Variants in DCAF10 observed in about 807,000 individuals in gnomAD.
The protein encoded by DCAF10 is DDB1- and CUL4-associated factor 10.
Under a neutral mutation model 51.9 loss-of-function variants are expected in DCAF10, and 19 were observed. That is an observed-to-expected ratio of 0.37 (90% CI 0.26 to 0.54). DCAF10 has a LOEUF of 0.54. Among genes scored for constraint, DCAF10 ranks in the 20% least tolerant of loss-of-function variants. DCAF10 has a pLI of 0.87. For missense variants in DCAF10, 510 were observed against 730.6 expected, an observed-to-expected ratio of 0.70 and a Z score of 3.48; for synonymous variants, 291 against 297.1, an observed-to-expected ratio of 0.98 and a Z score of 0.21.
Position 37,801,484 on chromosome 9 carries a change from C to T in DCAF10, c.539+79C>T, listed in dbSNP as rs1195197530. The stretch of plus-strand genomic sequence containing the variant: ...AGCGGACGGCCGTCCTGGGCTCGCT[C>T]CCCGCGCCCGGGCCGAGGTTAGCGA... On this transcript the variant is annotated intron_variant, in intron 1 of 6. Transcript: ENST00000377724. This position sits in a 1 kb window ranked among gnomAD's most constrained non-coding sequence, Gnocchi z 5.5. 1.5e-6 allele frequency: 2 copies of T among 1,337,636 alleles called. No individual in the cohort carries two copies. The highest frequency in any genetic ancestry group is 3.1e-5 in the African/African-American group (2 of 64,768). The allele number at this position is 1,337,636 out of a possible 1,614,324, so 82.9% of individuals were successfully genotyped here. A position where few individuals can be genotyped will look rare whatever the true frequency, so the allele number is the denominator to read the frequency against.
At position 37,801,654 on chromosome 9, in the gene DCAF10, A is replaced by G. The variant is rs185214483; in HGVS notation, c.539+249A>G. 2.4e-3 allele frequency among the ~76,000 whole-genome samples: 361 copies of G among 152,286 alleles called. 3 individuals carry two copies. The highest frequency in any genetic ancestry group is 4.1e-3 in the Non-Finnish European group (280 of 68,020). Reference sequence around the variant, plus strand: ...AGGACTTGGGCTCTGTGAAGGAGAAATGCCCGAAGCTACACAGCGGACCTG... The same window carrying G: ...AGGACTTGGGCTCTGTGAAGGAGAAGTGCCCGAAGCTACACAGCGGACCTG... On this transcript the variant is annotated intron_variant, in intron 1 of 6. Coordinates refer to ENST00000377724, the MANE Select transcript of DCAF10 (RefSeq NM_024345.5). This position sits in a 1 kb window ranked among gnomAD's most constrained non-coding sequence, Gnocchi z 5.5.
At chr9:37,823,387 C>T (rs1360342493) in intron 2 of DCAF10, among the ~76,000 whole-genome samples, 1 of 152,128 alleles carries the variant, frequency 6.6e-6, no homozygotes, top group East Asian at 1.9e-4. Context: ...GCCAGATTAC[C>T]TACAGAAGTA....
rs1197310409 is a variant in DCAF10, at chr9:37,863,363, A to G, written c.*1855A>G. ...AAAAAAAAAAAATTCTTCTCTACCC[A>G]TTTGGGCTTAAGACAATTCCCAGAA... On this transcript the variant is annotated 3_prime_UTR_variant, in exon 7 of 7. Transcript: ENST00000377724. The G allele has an allele frequency of 1.3e-5, 2 of 149,642 alleles. No individual in the cohort carries two copies. Among genetic ancestry groups the G allele is most frequent in the Non-Finnish European group, 3.0e-5 (2 of 67,410 alleles). The allele number at this position is 149,642 out of a possible 1,614,324, so 9.3% of individuals were successfully genotyped here.
At chr9:37,823,545 A>G (rs1829766041) in intron 2 of DCAF10, among the ~76,000 whole-genome samples, 1 of 152,114 alleles carries the variant, frequency 6.6e-6, no homozygotes, top group Non-Finnish European at 1.5e-5. Context: ...AAGAATTGTA[A>G]TTAGGTAAAA....
intron 1 of DCAF10, among the ~76,000 whole-genome samples, chr9:37,809,430 A>G (rs1829261656): frequency 6.6e-6 from 1 of 152,172 alleles, no homozygotes; most frequent in Admixed American, 6.5e-5. Flanking sequence ...GTGAAATTTT[A>G]AAAACCATCA....
At chr9:37,833,054 T>C (rs1205760223) in intron 2 of DCAF10, among the ~76,000 whole-genome samples, 2 of 152,078 alleles carry the variant, frequency 1.3e-5, no homozygotes, top group African/African-American at 2.4e-5. Context: ...TTTGTAGAGA[T>C]AGGGTTTCTC....
At chr9:37,856,772 G>A (rs1010212261) in intron 4 of DCAF10, among the ~76,000 whole-genome samples, 2 of 151,984 alleles carry the variant, frequency 1.3e-5, no homozygotes, top group Non-Finnish European at 2.9e-5. Flanking sequence ...GGGCAACATA[G>A]CAAGATCCTT....
chr9:37,850,864 AT>A (rs1408486616), intron 3 of DCAF10, among the ~76,000 whole-genome samples: 5 of 83,518 alleles, frequency 6.0e-5, no homozygotes, highest in Non-Finnish European at 1.2e-4. Flanking sequence ...ATATATATAT[AT>A]ATATATATAT....
chr9:37,845,737 A>G (rs1181224848), intron 3 of DCAF10, among the ~76,000 whole-genome samples: 1 of 152,138 alleles, frequency 6.6e-6, no homozygotes, highest in Non-Finnish European at 1.5e-5. Context: ...CCCTTACACA[A>G]TATGGCGATT....
At chr9:37,819,172 C>T in intron 1 of DCAF10, 116 bp from the exon 2 acceptor site, 2 of 709,346 alleles carry the variant, frequency 2.8e-6, no homozygotes, top group South Asian at 3.8e-5. Context: ...TTGCTACTAA[C>T]ATGGGCAAAA....
chr9:37,854,944 A>G lies in DCAF10; in HGVS notation c.1016A>G (p.Tyr339Cys), dbSNP rs1210187209. Residue 339 changes from tyrosine (Y) to cysteine (C), a missense_variant, in exon 4 of 7, where the codon TAT becomes TGT. Around this residue, in one of 4 missense-constraint regions of DCAF10, gnomAD observed 126 missense variants for 271.5 expected, o/e 0.46. Transcript: ENST00000377724. ...ACTAAGTCTTTAGAAGTAGGCAGCT[A>G]TCCCATTTTAAGAGCAAGAAGAACT... ...DLTKSLEVGS[Y>C]PILRARRTTS... The G allele has an allele frequency of 5.6e-6, 9 of 1,613,344 alleles. No homozygotes were observed. The highest frequency in any genetic ancestry group is 7.6e-6 in the Non-Finnish European group (9 of 1,179,850).
In DCAF10 at chr9:37,867,435, CTG is replaced by C. The variant is rs1232584893; in HGVS notation, c.*5931_*5932del. On this transcript the variant is annotated 3_prime_UTR_variant, in exon 7 of 7. Coordinates refer to ENST00000377724, the MANE Select transcript of DCAF10 (RefSeq NM_024345.5). ...TTTCACTGCATCTTCAATTGCCCAA[CTG>C]TGTTTCCTGATAAATTTTAGATTCA... 1.3e-5 allele frequency: 2 copies of C among 151,814 alleles called. No individual in the cohort carries two copies. The highest frequency in any genetic ancestry group is 2.9e-5 in the Non-Finnish European group (2 of 67,978). 9.4% of individuals were successfully genotyped at this position (151,814 alleles called of 1,614,324 possible). A position where few individuals can be genotyped will look rare whatever the true frequency, so the allele number is the denominator to read the frequency against.
intron 1 of DCAF10, among the ~76,000 whole-genome samples, chr9:37,818,388 G>A (rs1829608496): frequency 6.6e-6 from 1 of 152,010 alleles, no homozygotes. Flanking sequence ...TCTATCTTAT[G>A]TACGTTCATC....
rs573552419 is a variant in DCAF10 at position 37,835,810 on chromosome 9, A to G, written c.654-6279A>G. Among the ~76,000 whole-genome samples the G allele has an allele frequency of 3.9e-5, 6 of 152,378 alleles. No homozygotes were observed. In the East Asian group the frequency reaches 1.2e-3, roughly 29 times the overall value. ...AGGGAAAGATGGACTTGACAATATA[A>G]GAATTAAAATTTTATATAATGTGTC... On this transcript the variant is annotated intron_variant, in intron 2 of 6. Coordinates refer to ENST00000377724, the MANE Select transcript of DCAF10 (RefSeq NM_024345.5).
At chr9:37,844,333 G>A (rs1389952807) in intron 3 of DCAF10, among the ~76,000 whole-genome samples, 2 of 151,958 alleles carry the variant, frequency 1.3e-5, no homozygotes, top group African/African-American at 4.8e-5. Flanking sequence ...TGGCCAACAT[G>A]GTGAAACTCC....
intron 2 of DCAF10, among the ~76,000 whole-genome samples, chr9:37,825,474 A>G (rs1340454445): frequency 6.6e-6 from 1 of 152,232 alleles, no homozygotes; most frequent in African/African-American, 2.4e-5. Context: ...ATGCAGGAAC[A>G]GAAAACCAAA....
intron 1 of DCAF10, among the ~76,000 whole-genome samples, chr9:37,809,173 T>G (rs1163531161): frequency 6.6e-6 from 1 of 150,910 alleles, no homozygotes; most frequent in Non-Finnish European, 1.5e-5. Context: ...AAAGGGGAAA[T>G]TATAATGGAA....
At position 37,861,837 on chromosome 9, in the gene DCAF10, C is replaced by T. The variant is rs1587137740; in HGVS notation, c.*329C>T. The T allele has an allele frequency of 9.4e-6, 2 of 212,706 alleles. No homozygotes were observed. The highest frequency in any genetic ancestry group is 2.0e-4 in the East Asian group (2 of 10,190). The allele number at this position is 212,706 out of a possible 1,614,324, so 13.2% of individuals were successfully genotyped here. A position where few individuals can be genotyped will look rare whatever the true frequency, so the allele number is the denominator to read the frequency against. On this transcript the variant is annotated 3_prime_UTR_variant, in exon 7 of 7. Transcript: ENST00000377724. This position sits in a 1 kb window ranked among gnomAD's most constrained non-coding sequence, Gnocchi z 4.9. ...CACTCTCTATTTCTCTTTCCCTCTC[C>T]CTGTCCCTCTCTTTCTTTGTGTTTG... is the stretch of plus-strand genomic sequence containing the variant.
Position 37,829,440 on chromosome 9 carries a change from CA to C in DCAF10, c.653+10046del, listed in dbSNP as rs199865504. Among the ~76,000 whole-genome samples the C allele has an allele frequency of 4.6e-3, 688 of 151,188 alleles. 11 individuals carry two copies. The highest frequency in any genetic ancestry group is 0.016 in the African/African-American group (663 of 41,202). ...GGGCAACAAGAGCAAGACTCCATGT[CA>C]AAAAAATTAATAAATAAAATAAAAT... is the stretch of plus-strand genomic sequence containing the variant. On this transcript the variant is annotated intron_variant, in intron 2 of 6. Transcript: ENST00000377724. This position sits in a 1 kb window ranked among gnomAD's most constrained non-coding sequence, Gnocchi z 4.2.
Sources: gnomAD v4.1 joint callset for allele counts (sites outside exome capture counted in the v4.1 genomes callset) on GRCh38, gnomAD v4.1.1 for gene constraint, gnomAD v4.1.1 regional missense constraint, Gnocchi (gnomAD v3.1) non-coding constraint, MANE v1.5 for transcripts, NCBI Gene and HGNC (gene_info 2026-07-23, HGNC 2026-07-21) for gene names.